Variants in PIANP observed in about 807,000 individuals in gnomAD.
The protein encoded by PIANP is PILR alpha associated neural protein.
PIANP carries 14 observed loss-of-function variants against 28.9 expected under a neutral mutation model. That is an observed-to-expected ratio of 0.49 (90% CI 0.32 to 0.76). The LOEUF is 0.76. Among genes scored for constraint, PIANP ranks in the 30% least tolerant of loss-of-function variants. The probability of loss-of-function intolerance (pLI) is 0.03; values close to 1 mark genes in which losing one functional copy is unlikely to be tolerated. For missense variants in PIANP, 322 were observed against 371.8 expected (o/e 0.87, Z 1.10); for synonymous variants, 149 against 156.6 (o/e 0.95, Z 0.36).
At position 6,696,178 on chromosome 12, in the gene PIANP, G is replaced by A. The variant is rs1959856348; in HGVS notation, c.605+265C>T. Among the ~76,000 whole-genome samples the A allele has an allele frequency of 6.6e-6, 1 of 152,050 alleles. No homozygotes were observed. Among genetic ancestry groups the A allele is most frequent in the Non-Finnish European group, 1.5e-5 (1 of 68,010 alleles). ...CTTTCTCTGTCTTGGAGGAAGTAGGGGCAGGGGAGGCTCACCAGGAATGCA... is the reference window on the plus strand; with the variant it reads ...CTTTCTCTGTCTTGGAGGAAGTAGGAGCAGGGGAGGCTCACCAGGAATGCA... On this transcript the variant is annotated intron_variant, in intron 4 of 4. Transcript: ENST00000534837. The surrounding 1 kb of genome is among the most constrained non-coding windows in gnomAD (Gnocchi z 4.0).
At chr12:6,698,276 G>A (rs1407529572) in intron 1 of PIANP, 172 bp from the exon 2 acceptor site, 16 of 639,948 alleles carry the variant, frequency 2.5e-5, no homozygotes, top group Non-Finnish European at 3.6e-5. Context: ...AAACTCCAGC[G>A]TGGTTGCCTG....
At position 6,696,567 on chromosome 12, in the gene PIANP, T is replaced by A; in HGVS notation, c.524-43A>T. 1 of 1,454,084 alleles carries A rather than the reference T, an allele frequency of 6.9e-7. No individual in the cohort carries two copies. Among genetic ancestry groups the A allele is most frequent in the Non-Finnish European group, 9.3e-7 (1 of 1,075,178 alleles). 90.1% of individuals were successfully genotyped at this position (1,454,084 alleles called of 1,614,324 possible). Reference sequence around the variant, plus strand: ...AAAGTTTTAGGGAGCCCCGAGGTGGTAGGAGCCAAGAGGGGCTGGGGGCTG... The same window carrying A: ...AAAGTTTTAGGGAGCCCCGAGGTGGAAGGAGCCAAGAGGGGCTGGGGGCTG... On this transcript the variant is annotated intron_variant, in intron 3 of 4. Transcript: ENST00000534837. This position sits in a 1 kb window ranked among gnomAD's most constrained non-coding sequence, Gnocchi z 4.0.
chr12:6,697,315 CCG>C lies in PIANP; in HGVS notation c.493_494del (p.Arg165AlafsTer86). 6.2e-7 allele frequency: 1 copy of C among 1,613,972 alleles called. No individual in the cohort carries two copies. The highest frequency in any genetic ancestry group is 8.5e-7 in the Non-Finnish European group (1 of 1,179,882). On this transcript the variant is annotated frameshift_variant, in exon 3 of 5. Coordinates refer to ENST00000534837, the MANE Select transcript of PIANP (RefSeq NM_001244014.2). LOFTEE classifies it high-confidence loss of function. The surrounding 1 kb of genome is among the most constrained non-coding windows in gnomAD (Gnocchi z 6.9). ...CCCCACGGCCCCCGAACAGGAATGG[CCG>C]CAGGGTGGCAGGTGCCTCTCCAAGG... is the stretch of plus-strand genomic sequence containing the variant. ...LILGEAPATL[R>X]PFLFGGRGEG...
chr12:6,695,701 A>G lies in PIANP; in HGVS notation c.606-50T>C. On this transcript the variant is annotated intron_variant, in intron 4 of 4. Transcript: ENST00000534837. This position sits in a 1 kb window ranked among gnomAD's most constrained non-coding sequence, Gnocchi z 4.2. ...TCTCTTGCACACTCAAGTAGCCCCC[A>G]TCCTGGGCCTGCACCAGTGGTCACC... 7.1e-7 allele frequency: 1 copy of G among 1,415,514 alleles called. No individual in the cohort carries two copies. Among genetic ancestry groups the G allele is most frequent in the South Asian group, 1.8e-5 (1 of 56,578 alleles). 87.7% of individuals were successfully genotyped at this position (1,415,514 alleles called of 1,614,324 possible). A position where few individuals can be genotyped will look rare whatever the true frequency, so the allele number is the denominator to read the frequency against.
Position 6,697,596 on chromosome 12 carries a change from G to C in PIANP, c.214C>G (p.Arg72Gly). Reference sequence around the variant, plus strand: ...ACTTGCCGACGTGATCTTGGGACCCGAGGAGATCGGCTTGGTGGAGGTGCT... The same window carrying C: ...ACTTGCCGACGTGATCTTGGGACCCCAGGAGATCGGCTTGGTGGAGGTGCT... ...ERAPPPSRSP[R>G]VPRSRRQVLP... is the part of the protein sequence containing the mutation. The change falls in exon 3 of 5, where the codon CGG becomes GGG. Residue 72 changes from arginine to glycine, a missense_variant. Coordinates refer to ENST00000534837, the MANE Select transcript of PIANP (RefSeq NM_001244014.2). The surrounding 1 kb of genome is among the most constrained non-coding windows in gnomAD (Gnocchi z 6.9). The C allele has an allele frequency of 6.3e-7, 1 of 1,579,610 alleles. No homozygotes were observed. The highest frequency in any genetic ancestry group is 8.6e-7 in the Non-Finnish European group (1 of 1,162,678).
rs751007359 is a variant in PIANP, at chr12:6,696,570, G to C, written c.524-46C>G. ...GTTTTAGGGAGCCCCGAGGTGGTAGGAGCCAAGAGGGGCTGGGGGCTGGGC... is the reference window on the plus strand; with the variant it reads ...GTTTTAGGGAGCCCCGAGGTGGTAGCAGCCAAGAGGGGCTGGGGGCTGGGC... On this transcript the variant is annotated intron_variant, in intron 3 of 4. Transcript: ENST00000534837. This position sits in a 1 kb window ranked among gnomAD's most constrained non-coding sequence, Gnocchi z 4.0. 8 of 1,406,978 alleles carry C rather than the reference G, an allele frequency of 5.7e-6. No homozygotes were observed. In the South Asian group the frequency reaches 1.1e-4, roughly 19 times the overall value. The allele number at this position is 1,406,978 out of a possible 1,614,324, so 87.2% of individuals were successfully genotyped here. A position where few individuals can be genotyped will look rare whatever the true frequency, so the allele number is the denominator to read the frequency against.
At chr12:6,693,127 A>T (rs1260598651), downstream of PIANP, among the ~76,000 whole-genome samples, 1 of 152,028 alleles carries the variant, frequency 6.6e-6, no homozygotes, top group Non-Finnish European at 1.5e-5. Context: ...ACAAGAGCCA[A>T]ACCTAGAAAT....
In PIANP at chr12:6,695,388, C is replaced by T. The variant is rs541546153; in HGVS notation, c.*38G>A. Reference sequence around the variant, plus strand: ...ACCCCAGCTCTGAAGACCTAAGTTGCCTTCCCTCTTTGCCCTCCCATCCCA... The same window carrying T: ...ACCCCAGCTCTGAAGACCTAAGTTGTCTTCCCTCTTTGCCCTCCCATCCCA... On this transcript the variant is annotated 3_prime_UTR_variant, in exon 5 of 5. Coordinates refer to ENST00000534837, the MANE Select transcript of PIANP (RefSeq NM_001244014.2). The surrounding 1 kb of genome is among the most constrained non-coding windows in gnomAD (Gnocchi z 4.2). 1 of 1,439,054 alleles carries T rather than the reference C, an allele frequency of 6.9e-7. No homozygotes were observed. Among genetic ancestry groups the T allele is most frequent in the Non-Finnish European group, 9.1e-7 (1 of 1,093,362 alleles). 89.1% of individuals were successfully genotyped at this position (1,439,054 alleles called of 1,614,324 possible). A position where few individuals can be genotyped will look rare whatever the true frequency, so the allele number is the denominator to read the frequency against.
Position 6,695,255 on chromosome 12 carries a change from A to C in PIANP, c.*171T>G. The C allele has an allele frequency of 1.4e-6, 2 of 1,401,044 alleles. No homozygotes were observed. The allele number at this position is 1,401,044 out of a possible 1,614,324, so 86.8% of individuals were successfully genotyped here. A position where few individuals can be genotyped will look rare whatever the true frequency, so the allele number is the denominator to read the frequency against. ...AGGACACAGATCCTGAGAGACTGGGAGAAGGAAGGGTGCCTCCCAGAGAGG... is the reference window on the plus strand; with the variant it reads ...AGGACACAGATCCTGAGAGACTGGGCGAAGGAAGGGTGCCTCCCAGAGAGG... On this transcript the variant is annotated 3_prime_UTR_variant, in exon 5 of 5. Transcript: ENST00000534837. The surrounding 1 kb of genome is among the most constrained non-coding windows in gnomAD (Gnocchi z 4.2).
At position 6,695,070 on chromosome 12, in the gene PIANP, G is replaced by C; in HGVS notation, c.*356C>G. The C allele has an allele frequency of 2.5e-6, 4 of 1,575,658 alleles. No individual in the cohort carries two copies. The highest frequency in any genetic ancestry group is 3.4e-6 in the Non-Finnish European group (4 of 1,160,116). On this transcript the variant is annotated 3_prime_UTR_variant, in exon 5 of 5. Coordinates refer to ENST00000534837, the MANE Select transcript of PIANP (RefSeq NM_001244014.2). This position sits in a 1 kb window ranked among gnomAD's most constrained non-coding sequence, Gnocchi z 4.2. ...CACCAGGGGAATCCTGAGAGGAAGA[G>C]GGAAAGGGCACAGTCAGGAACCAAG...
chr12:6,697,173 T>C lies in PIANP; in HGVS notation c.523+114A>G, dbSNP rs1959890010. The C allele has an allele frequency of 2.6e-5, 37 of 1,422,206 alleles. No individual in the cohort carries two copies. In the South Asian group the frequency reaches 4.5e-4, roughly 17 times the overall value. 88.1% of individuals were successfully genotyped at this position (1,422,206 alleles called of 1,614,324 possible). A position where few individuals can be genotyped will look rare whatever the true frequency, so the allele number is the denominator to read the frequency against. On this transcript the variant is annotated intron_variant, in intron 3 of 4. Coordinates refer to ENST00000534837, the MANE Select transcript of PIANP (RefSeq NM_001244014.2). The surrounding 1 kb of genome is among the most constrained non-coding windows in gnomAD (Gnocchi z 6.9). ...TTTATCTCTGCATCCTGTGCCAGTA[T>C]AGTGCCTGACACATTTGTTGAAGGA...
chr12:6,699,483 G>C (rs1003991674), intron 1 of PIANP, among the ~76,000 whole-genome samples: 2 of 152,026 alleles, frequency 1.3e-5, no homozygotes, highest in Non-Finnish European at 2.9e-5. Flanking sequence ...ACTGGGAAGA[G>C]AGGAGGAGAG....
rs771361758 is a variant in PIANP at position 6,697,409 on chromosome 12, G to C, written c.401C>G (p.Ala134Gly). The change falls in exon 3 of 5, where the codon GCC becomes GGC. Residue 134 changes from alanine to glycine, a missense_variant. By Grantham distance (60) the Ala-to-Gly change is moderately conservative. Transcript: ENST00000534837. The surrounding 1 kb of genome is among the most constrained non-coding windows in gnomAD (Gnocchi z 6.9). Reference sequence around the variant, plus strand: ...GTGTGGGGTTGCGAGCCCATGAGGGGCTGCAAAACCATAGTCCAGAAATCC... The same window carrying C: ...GTGTGGGGTTGCGAGCCCATGAGGGCCTGCAAAACCATAGTCCAGAAATCC... ...NPGFLDYGFA[A>G]PHGLATPHPN... 1 of 1,613,940 alleles carries C rather than the reference G, an allele frequency of 6.2e-7. No individual in the cohort carries two copies. Among genetic ancestry groups the C allele is most frequent in the African/African-American group, 1.3e-5 (1 of 74,944 alleles).
intron 1 of PIANP, among the ~76,000 whole-genome samples, chr12:6,699,543 G>A (rs994994627): frequency 1.3e-5 from 2 of 152,070 alleles, no homozygotes; most frequent in East Asian, 3.9e-4. Context: ...AGGAAAGGAT[G>A]AGAGAAAAGG....
rs1450625180 is a variant in PIANP at position 6,696,145 on chromosome 12, T to TG, written c.605+297dup. 6.6e-6 allele frequency among the ~76,000 whole-genome samples: 1 copy of TG among 152,156 alleles called. No individual in the cohort carries two copies. Among genetic ancestry groups the TG allele is most frequent in the African/African-American group, 2.4e-5 (1 of 41,446 alleles). ...CAACCCTAAGAAGGGCTCTGCAGACTGGGTCAGCTTTCTCTGTCTTGGAGG... is the reference window on the plus strand; with the variant it reads ...CAACCCTAAGAAGGGCTCTGCAGACTGGGGTCAGCTTTCTCTGTCTTGGAGG... On this transcript the variant is annotated intron_variant, in intron 4 of 4. Coordinates refer to ENST00000534837, the MANE Select transcript of PIANP (RefSeq NM_001244014.2). The surrounding 1 kb of genome is among the most constrained non-coding windows in gnomAD (Gnocchi z 4.0).
In PIANP at chr12:6,694,608, T is replaced by G; in HGVS notation, c.*818A>C. 6.2e-6 allele frequency: 1 copy of G among 161,074 alleles called. No individual in the cohort carries two copies. 10.0% of individuals were successfully genotyped at this position (161,074 alleles called of 1,614,324 possible). ...ACAACATCAGGCCGGGAAACGCACA[T>G]GAGAGGTAAAGTGTGCAGGAAACGC... On this transcript the variant is annotated 3_prime_UTR_variant, in exon 5 of 5. Coordinates refer to ENST00000534837, the MANE Select transcript of PIANP (RefSeq NM_001244014.2). This position sits in a 1 kb window ranked among gnomAD's most constrained non-coding sequence, Gnocchi z 6.1.
At position 6,696,020 on chromosome 12, in the gene PIANP, C is replaced by T. The variant is rs563943917; in HGVS notation, c.606-369G>A. ...GTTCAAAGCAAGCTGATGACTTGGA[C>T]ACCTGAGTCTAATGATTCTCTCAGT... is the stretch of plus-strand genomic sequence containing the variant. On this transcript the variant is annotated intron_variant, in intron 4 of 4. Coordinates refer to ENST00000534837, the MANE Select transcript of PIANP (RefSeq NM_001244014.2). The surrounding 1 kb of genome is among the most constrained non-coding windows in gnomAD (Gnocchi z 4.0). 6.6e-6 allele frequency among the ~76,000 whole-genome samples: 1 copy of T among 152,282 alleles called. No homozygotes were observed. Among genetic ancestry groups the T allele is most frequent in the Admixed American group, 6.5e-5 (1 of 15,286 alleles).
In PIANP at chr12:6,697,580, C is replaced by A. The variant is rs750269683; in HGVS notation, c.230G>T (p.Arg77Leu). 6.3e-7 allele frequency: 1 copy of A among 1,592,630 alleles called. No individual in the cohort carries two copies. The highest frequency in any genetic ancestry group is 1.1e-5 in the South Asian group (1 of 88,328). The part of the protein sequence containing the change: ...PSRSPRVPRS[R>L]RQVLPGTAPP... ...TGCAGTGCCAGGCAGGACTTGCCGA[C>A]GTGATCTTGGGACCCGAGGAGATCG... The change falls in exon 3 of 5, where the codon CGT (arginine) becomes CTT (leucine). Residue 77 changes from arginine (R) to leucine (L), a missense_variant. Coordinates refer to ENST00000534837, the MANE Select transcript of PIANP (RefSeq NM_001244014.2). The surrounding 1 kb of genome is among the most constrained non-coding windows in gnomAD (Gnocchi z 6.9).
In PIANP at chr12:6,695,393, C is replaced by T; in HGVS notation, c.*33G>A. On this transcript the variant is annotated 3_prime_UTR_variant, in exon 5 of 5. Transcript: ENST00000534837. The surrounding 1 kb of genome is among the most constrained non-coding windows in gnomAD (Gnocchi z 4.2). Reference sequence around the variant, plus strand: ...AGCTCTGAAGACCTAAGTTGCCTTCCCTCTTTGCCCTCCCATCCCATTGCC... The same window carrying T: ...AGCTCTGAAGACCTAAGTTGCCTTCTCTCTTTGCCCTCCCATCCCATTGCC... 1 of 1,442,334 alleles carries T rather than the reference C, an allele frequency of 6.9e-7. No homozygotes were observed. Among genetic ancestry groups the T allele is most frequent in the East Asian group, 2.5e-5 (1 of 39,474 alleles). The allele number at this position is 1,442,334 out of a possible 1,614,324, so 89.3% of individuals were successfully genotyped here. A position where few individuals can be genotyped will look rare whatever the true frequency, so the allele number is the denominator to read the frequency against.
Sources: gnomAD v4.1 joint callset for allele counts (sites outside exome capture counted in the v4.1 genomes callset) on GRCh38, gnomAD v4.1.1 for gene constraint, Gnocchi (gnomAD v3.1) non-coding constraint, MANE v1.5 for transcripts, NCBI Gene and HGNC (gene_info 2026-07-23, HGNC 2026-07-21) for gene names.